ZWILCH: variants seen among roughly 807,000 people sequenced by gnomAD.
The protein encoded by ZWILCH is zwilch kinetochore protein, also known as protein zwilch homolog.
ZWILCH carries 74 observed loss-of-function variants against 79.9 expected under a neutral mutation model. The ratio of observed to expected loss-of-function variants is 0.93; its 90% CI spans 0.77 to 1.12. The LOEUF is 1.12. Ranked by LOEUF, ZWILCH falls within the 50% of genes most tolerant of loss-of-function variation. ZWILCH has a pLI of 0.00. For synonymous variants in ZWILCH, 241 were observed against 228.2 expected (o/e 1.06, Z -0.51); for missense variants, 694 against 687.5 (o/e 1.01, Z -0.11).
chr15:66,537,109 GA>G, intron 15 of ZWILCH, 58 bp from the exon 16 acceptor site: 1 of 1,405,992 alleles, frequency 7.1e-7, no homozygotes. Flanking sequence ...TAGACTACCA[GA>G]AAAACGTTAT....
rs755429665 is a variant in ZWILCH, at chr15:66,527,356, G to C, written c.886G>C (p.Val296Leu). Residue 296 changes from valine to leucine, a missense_variant, in exon 9 of 19, where the codon GTT (valine) becomes CTT (leucine). Coordinates refer to ENST00000307897, the MANE Select transcript of ZWILCH (RefSeq NM_017975.5). ...WLEPLEAKSA[V>L]ELVQEFLNDL... ...CGAGCCCCTGGAAGCAAAATCTGCTGTTGAACTTGTTCAGGAATTTCTGAA... is the reference window on the plus strand; with the variant it reads ...CGAGCCCCTGGAAGCAAAATCTGCTCTTGAACTTGTTCAGGAATTTCTGAA... 1 of 1,614,022 alleles carries C rather than the reference G, an allele frequency of 6.2e-7. No homozygotes were observed. The highest frequency in any genetic ancestry group is 1.1e-5 in the South Asian group (1 of 91,086).
chr15:66,548,389 T>C lies in ZWILCH; in HGVS notation c.*65T>C. On this transcript the variant is annotated 3_prime_UTR_variant, in exon 19 of 19. Transcript: ENST00000307897. ...GAGAAAGAGAAAAAAAGGTAATTAT[T>C]GTAGAACCTGAAAACAGCAATGTAT... The C allele has an allele frequency of 1.9e-6, 1 of 529,576 alleles. No homozygotes were observed. The highest frequency in any genetic ancestry group is 2.8e-5 in the Admixed American group (1 of 36,176). 32.8% of individuals were successfully genotyped at this position (529,576 alleles called of 1,614,324 possible).
At chr15:66,535,821 TAATGCC>T in intron 14 of ZWILCH, 106 bp from the exon 15 acceptor site, 1 of 833,956 alleles carries the variant, frequency 1.2e-6, no homozygotes, top group African/African-American at 1.8e-5. Context: ...TTTTTTTTTT[TAATGCC>T]TGTTATCAAG....
At chr15:66,524,242 A>T (rs528941730) in intron 8 of ZWILCH, among the ~76,000 whole-genome samples, 1 of 152,228 alleles carries the variant, frequency 6.6e-6, no homozygotes, top group East Asian at 1.9e-4. Flanking sequence ...ATGTTATTTT[A>T]TATTTCTTTC....
chr15:66,516,806 T>C (rs1383570906), intron 4 of ZWILCH, among the ~76,000 whole-genome samples: 1 of 152,196 alleles, frequency 6.6e-6, no homozygotes, highest in East Asian at 1.9e-4. Flanking sequence ...GCGCCCAGCC[T>C]AGAAGTTTTA....
At chr15:66,538,544 G>A (rs372115415) in intron 16 of ZWILCH, among the ~76,000 whole-genome samples, 25 of 151,996 alleles carry the variant, frequency 1.6e-4, no homozygotes, top group Admixed American at 1.4e-3. Flanking sequence ...CACCACACCC[G>A]GCTAATTTTT....
intron 1 of ZWILCH, 196 bp downstream of exon 1, chr15:66,505,587 A>T (rs904787776): frequency 2.1e-5 from 13 of 615,462 alleles, no homozygotes; most frequent in Non-Finnish European, 5.6e-6. Context: ...TTGTCTCAGG[A>T]GAAAACGTGT....
At chr15:66,541,256 G>C (rs182383576) in intron 17 of ZWILCH, among the ~76,000 whole-genome samples, 7 of 152,054 alleles carry the variant, frequency 4.6e-5, no homozygotes, top group East Asian at 1.9e-4. Context: ...CTGCAGTCTA[G>C]CTTGGGCAAC....
At chr15:66,519,189 A>G in intron 5 of ZWILCH, 111 bp downstream of exon 5, 3 of 1,019,802 alleles carry the variant, frequency 2.9e-6, no homozygotes, top group South Asian at 3.0e-5. Context: ...CACAAGGTAG[A>G]ACTTGCATTA....
In ZWILCH at chr15:66,532,255, T is replaced by C. The variant is rs757183890; in HGVS notation, c.1164T>C (p.Ser388=). ...ATTTTCCTGATTTCTAGCTCCATAG[T>C]GGAAGTAACAGTTTACTAAGTAAGC... is the stretch of plus-strand genomic sequence containing the variant. The part of the protein sequence containing the change: ...QRGDIQPWLH[S]GSNSLLSKLI... The change falls in exon 13 of 19, where the codon AGT becomes AGC. Residue 388 remains serine, a synonymous_variant. Transcript: ENST00000307897. 22 of 1,585,410 alleles carry C rather than the reference T, an allele frequency of 1.4e-5. No individual in the cohort carries two copies. The highest frequency in any genetic ancestry group is 1.9e-5 in the Non-Finnish European group (22 of 1,170,682).
intron 8 of ZWILCH, among the ~76,000 whole-genome samples, 190 bp downstream of exon 8, chr15:66,523,938 A>C (rs1190277716): frequency 6.6e-6 from 1 of 152,242 alleles, no homozygotes; most frequent in Non-Finnish European, 1.5e-5. Context: ...CGGGAGCATT[A>C]GGTCGTTAAT....
At chr15:66,535,890 A>G (rs1488249561) in intron 14 of ZWILCH, 43 bp from the exon 15 acceptor site, 3 of 1,559,200 alleles carry the variant, frequency 1.9e-6, no homozygotes, top group African/African-American at 1.4e-5. Flanking sequence ...AAGGTTACAC[A>G]GGTGCTTTAA....
At chr15:66,532,638 C>T (rs1054327740) in intron 13 of ZWILCH, among the ~76,000 whole-genome samples, 29 of 151,816 alleles carry the variant, frequency 1.9e-4, no homozygotes, top group Admixed American at 1.9e-3. Context: ...TTAGTTCAAA[C>T]ATTTGCGGTT....
chr15:66,523,353 G>A (rs1362668613), intron 7 of ZWILCH: 2 of 214,490 alleles, frequency 9.3e-6, no homozygotes, highest in Non-Finnish European at 1.8e-5. Flanking sequence ...ATATATTTAT[G>A]TAAATTTCTC....
At position 66,544,571 on chromosome 15, in the gene ZWILCH, C is replaced by T. The variant is rs1445362493; in HGVS notation, c.1688-2020C>T. Reference sequence around the variant, plus strand: ...GGCCAGGAGTTCTCAAACTCCTGAGCTGAAATATTCCCCCTGGCTCAGCCT... The same window carrying T: ...GGCCAGGAGTTCTCAAACTCCTGAGTTGAAATATTCCCCCTGGCTCAGCCT... On this transcript the variant is annotated intron_variant, in intron 17 of 18. Transcript: ENST00000307897. Among the ~76,000 whole-genome samples, 3 of 152,044 alleles carry T rather than the reference C, an allele frequency of 2.0e-5. 1 individual carries two copies. In the South Asian group the frequency reaches 6.2e-4, roughly 32 times the overall value.
intron 4 of ZWILCH, among the ~76,000 whole-genome samples, chr15:66,517,103 T>G (rs1273566936): frequency 6.6e-6 from 1 of 152,072 alleles, no homozygotes; most frequent in Non-Finnish European, 1.5e-5. Context: ...ATAAGCCACA[T>G]TTTTTGGTGA....
intron 4 of ZWILCH, among the ~76,000 whole-genome samples, chr15:66,517,228 CT>C (rs375697386): frequency 6.6e-6 from 1 of 151,342 alleles, no homozygotes; most frequent in African/African-American, 2.4e-5. Context: ...GCATTTGCTT[CT>C]TTTTCTTCTC....
chr15:66,535,826 C>A, intron 14 of ZWILCH, 107 bp from the exon 15 acceptor site: 1 of 864,556 alleles, frequency 1.2e-6, no homozygotes, highest in Non-Finnish European at 1.7e-6. Flanking sequence ...TTTTTTAATG[C>A]CTGTTATCAA....
intron 16 of ZWILCH, among the ~76,000 whole-genome samples, 174 bp from the exon 17 acceptor site, chr15:66,539,924 A>T (rs1895140064): frequency 6.6e-6 from 1 of 151,368 alleles, no homozygotes; most frequent in Non-Finnish European, 1.5e-5. Context: ...TGTTATTTTT[A>T]TTCTTATTTT....
Sources: allele counts gnomAD v4.1 joint callset (sites outside exome capture counted in the v4.1 genomes callset), GRCh38; gene constraint gnomAD v4.1.1; transcripts MANE v1.5; gene names NCBI Gene and HGNC (gene_info 2026-07-23, HGNC 2026-07-21).